The following EZH2 variants were observed in gnomAD, a reference collection of about 807,000 sequenced individuals.
EZH2 encodes histone-lysine N-methyltransferase EZH2.
In EZH2, 18 loss-of-function variants were observed where a neutral mutation model predicts 98.4. The observed-to-expected ratio is 0.18, with a 90% CI of 0.13 to 0.27. The LOEUF (loss-of-function observed/expected upper bound fraction) is 0.27, where lower values mean the gene tolerates loss of function less well. EZH2 is among the 10% of genes least tolerant of loss of function. The pLI, the probability that EZH2 is intolerant of heterozygous loss-of-function variation, is 1.00. For synonymous variants in EZH2, 338 were observed against 312.3 expected, an observed-to-expected ratio of 1.08 and a Z score of -0.87; for missense variants, 470 against 935.1, an observed-to-expected ratio of 0.50 and a Z score of 6.49.
At chr7:148,832,381 T>C (rs186632686) in intron 4 of EZH2, among the ~76,000 whole-genome samples, 1 of 152,134 alleles carries the variant, frequency 6.6e-6, no homozygotes, top group African/African-American at 2.4e-5. Context: ...GCCCAGCCCA[T>C]CTTTTAAATA....
At chr7:148,848,662 TAATA>T (rs2129485793) in intron 1 of EZH2, among the ~76,000 whole-genome samples, 1 of 152,294 alleles carries the variant, frequency 6.6e-6, no homozygotes, top group Admixed American at 6.5e-5. Flanking sequence ...CTCAAGCATG[TAATA>T]AATATTATGA....
At position 148,829,816 on chromosome 7, in the gene EZH2, A is replaced by C; in HGVS notation, c.396T>G (p.Pro132=). Residue 132 remains proline, a synonymous_variant, in exon 5 of 20, where the codon CCT becomes CCG. Transcript: ENST00000320356. ...GATCTAAAACTTCATCTCCCATATA[A>C]GGAATGTTATGTAAAACAGTTTCAT... The part of the protein sequence containing the change: ...VEDETVLHNI[P]YMGDEVLDQD... 1 of 1,596,744 alleles carries C rather than the reference A, an allele frequency of 6.3e-7. No individual in the cohort carries two copies. The highest frequency in any genetic ancestry group is 8.6e-7 in the Non-Finnish European group (1 of 1,169,584).
At chr7:148,813,002 T>G (rs1158735131) in intron 15 of EZH2, among the ~76,000 whole-genome samples, 3 of 151,592 alleles carry the variant, frequency 2.0e-5, no homozygotes, top group African/African-American at 7.3e-5. Context: ...GTGTTCTCAA[T>G]TATAAATAAA....
chr7:148,878,149 A>G (rs1820437690), intron 1 of EZH2, among the ~76,000 whole-genome samples: 1 of 152,250 alleles, frequency 6.6e-6, no homozygotes, highest in South Asian at 2.1e-4. Context: ...ACCATTTTTA[A>G]GTGTACAATT....
intron 1 of EZH2, among the ~76,000 whole-genome samples, chr7:148,847,659 T>A (rs539523257): frequency 6.9e-4 from 104 of 151,026 alleles, no homozygotes; most frequent in Middle Eastern, 3.4e-3. Context: ...TAAAGACAGA[T>A]CCTGTTTTTC....
At chr7:148,828,927 C>A (rs1394855466) in intron 5 of EZH2, 47 bp from the exon 6 acceptor site, 1 of 1,548,854 alleles carries the variant, frequency 6.5e-7, no homozygotes, top group Non-Finnish European at 8.7e-7. Context: ...GCAATAATGT[C>A]AAAAGTTTAT....
At chr7:148,836,436 G>GA (rs2129480241) in intron 3 of EZH2, among the ~76,000 whole-genome samples, 1 of 152,234 alleles carries the variant, frequency 6.6e-6, no homozygotes, top group South Asian at 2.1e-4. Flanking sequence ...TTGACTTACA[G>GA]AAAAATTACT....
rs1224767362 is a variant in EZH2 at position 148,826,610 on chromosome 7, G to A, written c.751C>T (p.Gln251Ter). 6.5e-7 allele frequency: 1 copy of A among 1,544,472 alleles called. No homozygotes were observed. Among genetic ancestry groups the A allele is most frequent in the South Asian group, 1.3e-5 (1 of 77,438 alleles). Reference sequence around the variant, plus strand: ...TCAGGAGGAAGTGCGCCTGGGAGCTGCTGTTCGGTGAGTTCTTTATATCTG... The same window carrying A: ...TCAGGAGGAAGTGCGCCTGGGAGCTACTGTTCGGTGAGTTCTTTATATCTG... ...KEKYKELTEQ[Q>*]LPGALPPECT... The change falls in exon 8 of 20, where the codon CAG becomes TAG. Residue 251 changes from glutamine (Q) to a stop codon, truncating the protein, a stop_gained. Transcript: ENST00000320356. LOFTEE classifies it high-confidence loss of function.
chr7:148,857,461 C>G (rs1407572062), intron 1 of EZH2, among the ~76,000 whole-genome samples: 2 of 152,108 alleles, frequency 1.3e-5, no homozygotes, highest in Non-Finnish European at 2.9e-5. Context: ...CAAAAGTATT[C>G]CAAAATAGGC....
chr7:148,815,887 T>C (rs1235238024), intron 12 of EZH2, among the ~76,000 whole-genome samples: 1 of 152,234 alleles, frequency 6.6e-6, no homozygotes, highest in Non-Finnish European at 1.5e-5. Context: ...TCAGGCATCA[T>C]AAACCAAGCA....
intron 15 of EZH2, among the ~76,000 whole-genome samples, chr7:148,813,330 TAAA>T (rs11357223): frequency 3.4e-5 from 5 of 146,064 alleles, no homozygotes; most frequent in Non-Finnish European, 3.0e-5. Context: ...TCATCTGCCC[TAAA>T]AAAAAAAAAA....
At chr7:148,833,300 T>C (rs1239131540) in intron 3 of EZH2, among the ~76,000 whole-genome samples, 1 of 151,186 alleles carries the variant, frequency 6.6e-6, no homozygotes, top group Admixed American at 6.6e-5. Context: ...CTACTAAAAA[T>C]ACAAAAATTA....
At chr7:148,808,741 A>G (rs1297396127) in intron 19 of EZH2, among the ~76,000 whole-genome samples, 1 of 152,206 alleles carries the variant, frequency 6.6e-6, no homozygotes, top group Non-Finnish European at 1.5e-5. Flanking sequence ...GGACAGTGTG[A>G]TCGCACTTAT....
intron 8 of EZH2, among the ~76,000 whole-genome samples, 173 bp downstream of exon 8, chr7:148,826,281 G>A (rs979657684): frequency 3.3e-5 from 5 of 150,106 alleles, no homozygotes; most frequent in Admixed American, 1.3e-4. Flanking sequence ...ACATGCAAAA[G>A]ATTTCAGAGC....
At chr7:148,822,287 ATCACTTGAGG>A (rs145142532) in intron 8 of EZH2, among the ~76,000 whole-genome samples, 3,644 of 152,224 alleles carry the variant, frequency 0.024, 138 homozygotes, top group African/African-American at 0.084. Context: ...AGGCGGGCAG[ATCACTTGAGG>A]TCAGGAGTTT....
intron 1 of EZH2, among the ~76,000 whole-genome samples, chr7:148,862,895 G>A (rs1322034884): frequency 6.7e-6 from 1 of 149,542 alleles, no homozygotes; most frequent in African/African-American, 2.5e-5. Flanking sequence ...GTCCAACATG[G>A]TTTTTTTGTT....
intron 1 of EZH2, among the ~76,000 whole-genome samples, chr7:148,877,707 T>G (rs1250852749): frequency 6.6e-6 from 1 of 152,180 alleles, no homozygotes; most frequent in Non-Finnish European, 1.5e-5. Flanking sequence ...ATGCATACTA[T>G]TACCACTCTG....
chr7:148,846,369 C>A lies in EZH2; in HGVS notation c.246+101G>T, dbSNP rs1006721962. The A allele has an allele frequency of 3.1e-6, 4 of 1,288,266 alleles. 1 individual carries two copies. The highest frequency in any genetic ancestry group is 4.3e-6 in the Non-Finnish European group (4 of 936,100). 79.8% of individuals were successfully genotyped at this position (1,288,266 alleles called of 1,614,324 possible). A position where few individuals can be genotyped will look rare whatever the true frequency, so the allele number is the denominator to read the frequency against. On this transcript the variant is annotated intron_variant, in intron 3 of 19. Transcript: ENST00000320356. ...AAAGAAATAGCAATAAAAAGATGGA[C>A]ACCCTGAGGTCAATGATTTCCTCCC...
intron 1 of EZH2, among the ~76,000 whole-genome samples, chr7:148,849,912 T>A (rs549088716): frequency 1.3e-5 from 2 of 152,194 alleles, no homozygotes; most frequent in African/African-American, 4.8e-5. Context: ...TCACCTCTAG[T>A]CCATCTGCTG....
Sources: gnomAD v4.1 joint callset for allele counts (sites outside exome capture counted in the v4.1 genomes callset) on GRCh38, gnomAD v4.1.1 for gene constraint, MANE v1.5 for transcripts, NCBI Gene and HGNC (gene_info 2026-07-23, HGNC 2026-07-21) for gene names.